ANKFY1: variants seen among roughly 807,000 people sequenced by gnomAD.
The protein encoded by ANKFY1 is ankyrin repeat and FYVE domain-containing protein 1.
In ANKFY1, 47 loss-of-function variants were observed where a neutral mutation model predicts 128.3. The ratio of observed to expected loss-of-function variants is 0.37; its 90% CI spans 0.29 to 0.47. ANKFY1 has a LOEUF of 0.47. Ranked by LOEUF, ANKFY1 falls within the 20% of genes least tolerant of loss-of-function variation. The pLI is 1.00. For missense variants in ANKFY1, 1,222 were observed against 1,510.6 expected (o/e 0.81, Z 3.17); for synonymous variants, 553 against 601.6 (o/e 0.92, Z 1.18).
At chr17:4,243,368 T>C (rs1297374309) in intron 1 of ANKFY1, among the ~76,000 whole-genome samples, 1 of 136,708 alleles carries the variant, frequency 7.3e-6, no homozygotes, top group Non-Finnish European at 1.5e-5. Flanking sequence ...GCCCAGCCTC[T>C]TTTTTTTTTT....
chr17:4,254,782 A>G (rs1968028957), intron 1 of ANKFY1, among the ~76,000 whole-genome samples: 1 of 152,212 alleles, frequency 6.6e-6, no homozygotes, highest in African/African-American at 2.4e-5. Flanking sequence ...TTCCTGTAAT[A>G]TTTTGCAATA....
chr17:4,220,361 CA>C (rs1214883685), intron 3 of ANKFY1, among the ~76,000 whole-genome samples: 1 of 152,032 alleles, frequency 6.6e-6, no homozygotes, highest in Non-Finnish European at 1.5e-5. Context: ...CCACAGCAAC[CA>C]AAAATCCCAA....
At position 4,216,879 on chromosome 17, in the gene ANKFY1, C is replaced by T. The variant is rs1009565198; in HGVS notation, c.458+104G>A. The T allele has an allele frequency of 2.6e-6, 4 of 1,512,292 alleles. No homozygotes were observed. The African/African-American group carries it at 5.5e-5, about 21-fold the overall frequency. The allele number at this position is 1,512,292 out of a possible 1,614,324, so 93.7% of individuals were successfully genotyped here. Reference sequence around the variant, plus strand: ...CATCGCCTTTAAAGGAACACCTTGCCAAGTTATTTACATTAGCAGAAGAAG... The same window carrying T: ...CATCGCCTTTAAAGGAACACCTTGCTAAGTTATTTACATTAGCAGAAGAAG... On this transcript the variant is annotated intron_variant, in intron 4 of 24. Transcript: ENST00000341657.
At chr17:4,212,997 G>A (rs970974015) in intron 4 of ANKFY1, among the ~76,000 whole-genome samples, 1 of 151,438 alleles carries the variant, frequency 6.6e-6, no homozygotes, top group Non-Finnish European at 1.5e-5. Flanking sequence ...GGATGGTCTC[G>A]ATCTTCTGAC....
In ANKFY1 at chr17:4,202,474, G is replaced by A. The variant is rs540659193; in HGVS notation, c.898+3847C>T. 5.3e-5 allele frequency among the ~76,000 whole-genome samples: 8 copies of A among 151,138 alleles called. No homozygotes were observed. The East Asian group carries it at 7.8e-4, about 15-fold the overall frequency. On this transcript the variant is annotated intron_variant, in intron 7 of 24. Transcript: ENST00000341657. Reference sequence around the variant, plus strand: ...ATCACTTTGGGAGGCCGAGACGGGCGGATCACGAGGTCAGGAGATCGAGAC... The same window carrying A: ...ATCACTTTGGGAGGCCGAGACGGGCAGATCACGAGGTCAGGAGATCGAGAC...
At chr17:4,192,704 T>A (rs988601168) in intron 10 of ANKFY1, among the ~76,000 whole-genome samples, 1 of 152,192 alleles carries the variant, frequency 6.6e-6, no homozygotes, top group Non-Finnish European at 1.5e-5. Flanking sequence ...TATCTCCCAA[T>A]AGAACAAAGA....
intron 5 of ANKFY1, among the ~76,000 whole-genome samples, chr17:4,208,824 G>A (rs1049549221): frequency 2.0e-5 from 3 of 152,196 alleles, no homozygotes; most frequent in Non-Finnish European, 4.4e-5. Context: ...GGAGGCCGAG[G>A]TGGGCGGATC....
intron 23 of ANKFY1, among the ~76,000 whole-genome samples, chr17:4,170,362 G>T (rs545091209): frequency 6.6e-6 from 1 of 152,296 alleles, no homozygotes; most frequent in South Asian, 2.1e-4. Flanking sequence ...GGAGCAGCAG[G>T]CCATTTTGAA....
chr17:4,203,770 G>A lies in ANKFY1; in HGVS notation c.898+2551C>T, dbSNP rs550391106. Among the ~76,000 whole-genome samples, 5 of 142,786 alleles carry A rather than the reference G, an allele frequency of 3.5e-5. No individual in the cohort carries two copies. In the East Asian group the frequency reaches 1.0e-3, roughly 29 times the overall value. The allele number at this position is 142,786 out of a possible 152,430, so 93.7% of individuals were successfully genotyped here. A position where few individuals can be genotyped will look rare whatever the true frequency, so the allele number is the denominator to read the frequency against. On this transcript the variant is annotated intron_variant, in intron 7 of 24. Transcript: ENST00000341657. ...GCAGAGGTTGCAGTGAGCCGAGACC[G>A]AGCCATTGCACTCCAGCCTGGGTGA...
intron 4 of ANKFY1, among the ~76,000 whole-genome samples, chr17:4,215,631 A>T (rs2060209313): frequency 6.6e-6 from 1 of 152,186 alleles, no homozygotes; most frequent in Admixed American, 6.5e-5. Context: ...CTCGATACTC[A>T]TATCTAACAA....
At chr17:4,213,351 G>A (rs903068428) in intron 4 of ANKFY1, among the ~76,000 whole-genome samples, 4 of 150,840 alleles carry the variant, frequency 2.7e-5, no homozygotes, top group Non-Finnish European at 5.9e-5. Context: ...CACCACGACC[G>A]GCTAATTTTT....
intron 1 of ANKFY1, among the ~76,000 whole-genome samples, chr17:4,256,939 AC>A (rs1178045954): frequency 2.6e-5 from 4 of 152,214 alleles, no homozygotes; most frequent in African/African-American, 9.7e-5. Context: ...GAGATGCATA[AC>A]AAATATTAGC....
chr17:4,179,971 C>A, intron 16 of ANKFY1, 94 bp from the exon 17 acceptor site: 2 of 1,491,900 alleles, frequency 1.3e-6, no homozygotes, highest in Non-Finnish European at 1.8e-6. Context: ...CTCATCCAAT[C>A]CAACAGCGTC....
At chr17:4,224,652 G>A (rs1359719394) in intron 3 of ANKFY1, among the ~76,000 whole-genome samples, 1 of 140,126 alleles carries the variant, frequency 7.1e-6, no homozygotes, top group East Asian at 2.0e-4. Context: ...GCCCTTGCAT[G>A]GAAAACTGTT....
chr17:4,232,327 AGCAACT>A (rs1331014632), intron 3 of ANKFY1, among the ~76,000 whole-genome samples: 2 of 152,212 alleles, frequency 1.3e-5, no homozygotes, highest in Non-Finnish European at 2.9e-5. Flanking sequence ...AGGCAGTCTC[AGCAACT>A]GCAAGCCCAG....
chr17:4,243,802 G>GT (rs1967384112), intron 1 of ANKFY1, among the ~76,000 whole-genome samples: 1 of 152,176 alleles, frequency 6.6e-6, no homozygotes, highest in Non-Finnish European at 1.5e-5. Context: ...GAGAACCACC[G>GT]TATTTGATTA....
In ANKFY1 at chr17:4,178,869, C is replaced by T. The variant is rs2059456693; in HGVS notation, c.2586G>A (p.Gly862=). 1 of 1,614,186 alleles carries T rather than the reference C, an allele frequency of 6.2e-7. No individual in the cohort carries two copies. Among genetic ancestry groups the T allele is most frequent in the Non-Finnish European group, 8.5e-7 (1 of 1,180,044 alleles). The change falls in exon 18 of 25, where the codon GGG becomes GGA. Residue 862 remains glycine (G), a synonymous_variant. Coordinates refer to ENST00000341657, the MANE Select transcript of ANKFY1 (RefSeq NM_001330063.2). This position sits in a 1 kb window ranked among gnomAD's most constrained non-coding sequence, Gnocchi z 4.1. The stretch of plus-strand genomic sequence containing the variant: ...GTTATTCACTCACCTGCTCAGCAGC[C>T]CCGGACTCTCGTTTGAGAATGGCCT... ...SAEAILKRES[G]AAEQVDNKGR...
intron 11 of ANKFY1, chr17:4,186,747 T>TC (rs749042562): frequency 2.8e-5 from 26 of 934,906 alleles, no homozygotes; most frequent in Non-Finnish European, 3.2e-5. Flanking sequence ...TGTCTTCTGT[T>TC]CCAGACCTTC....
At chr17:4,174,731 A>G (rs1052611600) in intron 19 of ANKFY1, among the ~76,000 whole-genome samples, 1 of 151,790 alleles carries the variant, frequency 6.6e-6, no homozygotes, top group Admixed American at 6.5e-5. Flanking sequence ...TTTTCTATTT[A>G]TTATTTCTTG....
Sources: allele counts gnomAD v4.1 joint callset (sites outside exome capture counted in the v4.1 genomes callset), GRCh38; gene constraint gnomAD v4.1.1; non-coding constraint Gnocchi (gnomAD v3.1); transcripts MANE v1.5; gene names NCBI Gene and HGNC (gene_info 2026-07-23, HGNC 2026-07-21).